The following GALNT13 variants were observed in gnomAD, a reference collection of about 807,000 sequenced individuals.
The protein encoded by GALNT13 is polypeptide N-acetylgalactosaminyltransferase 13.
GALNT13 carries 28 observed loss-of-function variants against 64.2 expected under a neutral mutation model. That is an observed-to-expected ratio of 0.44 (90% CI 0.32 to 0.60). GALNT13 has a LOEUF of 0.60. Among genes scored for constraint, GALNT13 ranks in the 20% least tolerant of loss-of-function variants. The probability of loss-of-function intolerance (pLI) is 0.05; values close to 1 mark genes in which losing one functional copy is unlikely to be tolerated. For synonymous variants in GALNT13, 214 were observed against 224.6 expected (o/e 0.95, Z 0.42); for missense variants, 577 against 669.8 (o/e 0.86, Z 1.53).
the GALNT13 span, among the ~76,000 whole-genome samples, chr2:153,841,604 G>T: frequency 1.3e-5 from 2 of 152,110 alleles, no homozygotes; most frequent in Non-Finnish European, 2.9e-5. Flanking sequence ...TTGAGCACAT[G>T]TCTATCTCAT....
chr2:153,223,736 A>G, the GALNT13 span, among the ~76,000 whole-genome samples: 34 of 152,130 alleles, frequency 2.2e-4, no homozygotes, highest in African/African-American at 7.2e-4. Flanking sequence ...AAGCTGGGGG[A>G]TCACTTGAGG....
chr2:154,270,327 G>T (rs1691286456), intron 8 of GALNT13, among the ~76,000 whole-genome samples: 1 of 151,792 alleles, frequency 6.6e-6, no homozygotes, highest in Admixed American at 6.6e-5. Flanking sequence ...GAAACATAAA[G>T]CACTTAAAGT....
At chr2:153,959,532 A>G (rs534747705) in intron 3 of GALNT13, among the ~76,000 whole-genome samples, 3 of 152,344 alleles carry the variant, frequency 2.0e-5, no homozygotes, top group Admixed American at 2.0e-4. Context: ...GGACTTGGAG[A>G]AGGGGTGACA....
At chr2:154,284,067 C>A (rs1190026426) in intron 8 of GALNT13, among the ~76,000 whole-genome samples, 1 of 152,098 alleles carries the variant, frequency 6.6e-6, no homozygotes, top group African/African-American at 2.4e-5. Flanking sequence ...ATTATAGAGA[C>A]AATCAAGTCA....
At chr2:153,338,972 G>C in the GALNT13 span, among the ~76,000 whole-genome samples, 5 of 152,066 alleles carry the variant, frequency 3.3e-5, no homozygotes, top group African/African-American at 4.8e-5. Context: ...ATTTTTTAAG[G>C]CTGGATACTA....
At chr2:153,886,329 A>T (rs921356029) in intron 1 of GALNT13, among the ~76,000 whole-genome samples, 25 of 152,036 alleles carry the variant, frequency 1.6e-4, no homozygotes, top group Admixed American at 1.6e-3. Context: ...GTCATTTAAC[A>T]TTAGGTATAT....
chr2:153,517,149 C>G, the GALNT13 span, among the ~76,000 whole-genome samples: 1 of 152,098 alleles, frequency 6.6e-6, no homozygotes, highest in South Asian at 2.1e-4. Flanking sequence ...TATGGACATT[C>G]CCACCTTCAT....
the GALNT13 span, among the ~76,000 whole-genome samples, chr2:153,219,322 T>C: frequency 6.6e-6 from 1 of 152,248 alleles, no homozygotes; most frequent in South Asian, 2.1e-4. Context: ...TCAAATGTTC[T>C]CTGGTTCATG....
chr2:153,307,430 G>A, the GALNT13 span, among the ~76,000 whole-genome samples: 89,976 of 151,896 alleles, frequency 0.59, 27,335 homozygotes, highest in Non-Finnish European at 0.65. Flanking sequence ...TAACAATTGC[G>A]CAATAGTAAA....
chr2:153,835,313 AAGAT>A, the GALNT13 span, among the ~76,000 whole-genome samples: 3 of 152,106 alleles, frequency 2.0e-5, no homozygotes, highest in Non-Finnish European at 1.5e-5. Context: ...ACTCACATGC[AAGAT>A]AGATAGAATT....
intron 3 of GALNT13, among the ~76,000 whole-genome samples, chr2:154,127,184 A>G (rs1484346178): frequency 6.6e-6 from 1 of 152,160 alleles, no homozygotes; most frequent in East Asian, 1.9e-4. Flanking sequence ...CCCCAGTAGC[A>G]TGAATAAAGA....
chr2:153,420,748 C>G, the GALNT13 span: 1 of 230,992 alleles, frequency 4.3e-6, no homozygotes, highest in Admixed American at 4.1e-5. Context: ...GCCATGTCCT[C>G]ACAGGCCTCA....
chr2:154,167,802 C>T (rs1340415730), intron 4 of GALNT13, among the ~76,000 whole-genome samples: 5 of 151,960 alleles, frequency 3.3e-5, no homozygotes, highest in Admixed American at 3.3e-4. Context: ...GCTTGGGGGG[C>T]GAGAACCTGT....
chr2:153,255,168 A>T, the GALNT13 span, among the ~76,000 whole-genome samples: 17 of 150,568 alleles, frequency 1.1e-4, no homozygotes, highest in African/African-American at 3.9e-4. Context: ...TTGGGTGCAT[A>T]TATATTTAGG....
chr2:153,476,741 A>AC, the GALNT13 span, among the ~76,000 whole-genome samples: 3 of 152,332 alleles, frequency 2.0e-5, no homozygotes, highest in East Asian at 5.8e-4. Context: ...TTGCTAGAAA[A>AC]AGTAATATCA....
At chr2:154,385,765 C>T (rs1424583366) in intron 9 of GALNT13, among the ~76,000 whole-genome samples, 1 of 151,922 alleles carries the variant, frequency 6.6e-6, no homozygotes, top group Non-Finnish European at 1.5e-5. Context: ...AGATGAGTGT[C>T]CTCTTTCAAT....
At chr2:153,314,686 AAAG>A in the GALNT13 span, among the ~76,000 whole-genome samples, 3 of 152,094 alleles carry the variant, frequency 2.0e-5, no homozygotes, top group African/African-American at 7.2e-5. Flanking sequence ...ACAAATGGGA[AAAG>A]AAGAAACCAC....
At chr2:153,792,730 A>T in the GALNT13 span, among the ~76,000 whole-genome samples, 1 of 152,156 alleles carries the variant, frequency 6.6e-6, no homozygotes, top group African/African-American at 2.4e-5. Flanking sequence ...TTCCTATATC[A>T]TAGAAATCCT....
the GALNT13 span, among the ~76,000 whole-genome samples, chr2:153,498,426 G>A: frequency 3.3e-4 from 51 of 152,324 alleles, no homozygotes; most frequent in South Asian, 8.7e-3. Flanking sequence ...TGCCAAGGGC[G>A]AGCCAGGCGC....
Sources: gnomAD v4.1 joint callset for allele counts (sites outside exome capture counted in the v4.1 genomes callset) on GRCh38, gnomAD v4.1.1 for gene constraint, MANE v1.5 for transcripts, NCBI Gene and HGNC (gene_info 2026-07-23, HGNC 2026-07-21) for gene names.